The following KIAA1328 variants were observed in gnomAD, a reference collection of about 807,000 sequenced individuals.
KIAA1328 encodes protein hinderin.
KIAA1328 carries 52 observed loss-of-function variants against 68.1 expected under a neutral mutation model. The observed-to-expected ratio is 0.76, with a 90% CI of 0.61 to 0.96. The LOEUF is 0.96. KIAA1328 is among the 40% of genes least tolerant of loss of function. The pLI, the probability that KIAA1328 is intolerant of heterozygous loss-of-function variation, is 0.00. For synonymous variants in KIAA1328, 232 were observed against 239.4 expected (o/e 0.97, Z 0.28); for missense variants, 641 against 677.6 (o/e 0.95, Z 0.60).
chr18:36,989,936 G>A (rs999601817), intron 6 of KIAA1328, among the ~76,000 whole-genome samples: 3 of 152,032 alleles, frequency 2.0e-5, no homozygotes, highest in African/African-American at 2.4e-5. Context: ...CTTGGGATCC[G>A]CCTGCCTCGG....
At chr18:37,079,516 AG>A (rs2056874351) in intron 7 of KIAA1328, among the ~76,000 whole-genome samples, 1 of 151,664 alleles carries the variant, frequency 6.6e-6, no homozygotes, top group African/African-American at 2.4e-5. Context: ...AATAAAAAAA[AG>A]AAGTGCAGCT....
chr18:37,125,769 A>G (rs1016811364), intron 7 of KIAA1328, among the ~76,000 whole-genome samples: 1 of 152,228 alleles, frequency 6.6e-6, no homozygotes, highest in African/African-American at 2.4e-5. Flanking sequence ...GAGCTCTGAT[A>G]TGAGATCAAG....
intron 4 of KIAA1328, among the ~76,000 whole-genome samples, chr18:36,867,319 A>G (rs941109318): frequency 1.3e-5 from 2 of 152,204 alleles, no homozygotes; most frequent in Admixed American, 6.5e-5. Context: ...TGCTTTCACC[A>G]TGTGAAGTGC....
At chr18:36,996,113 A>C (rs77417667) in intron 6 of KIAA1328, among the ~76,000 whole-genome samples, 443 of 152,352 alleles carry the variant, frequency 2.9e-3, no homozygotes, top group African/African-American at 0.01. Flanking sequence ...CCAAGGTTAC[A>C]CAGGTATTAT....
rs28861455 is a variant in KIAA1328 at position 37,111,900 on chromosome 18, A to G, written c.1232+44355A>G. 2.8e-3 allele frequency among the ~76,000 whole-genome samples: 431 copies of G among 152,306 alleles called. 4 individuals are homozygous for G. Among genetic ancestry groups the G allele is most frequent in the African/African-American group, 9.9e-3 (412 of 41,566 alleles). On this transcript the variant is annotated intron_variant, in intron 7 of 9. Coordinates refer to ENST00000280020, the MANE Select transcript of KIAA1328 (RefSeq NM_020776.3). ...TCCCGTGCCTGGCTCAGAGGGTCCC[A>G]TGCCCACAGAGCCTCACTCACTGCT...
chr18:37,140,753 A>T (rs145238407), intron 7 of KIAA1328, among the ~76,000 whole-genome samples: 1 of 152,294 alleles, frequency 6.6e-6, no homozygotes, highest in Non-Finnish European at 1.5e-5. Context: ...GCTCCATCAG[A>T]TGCTAAATAA....
rs146937437 is a variant in KIAA1328 at position 37,212,218 on chromosome 18, G to T, written c.1524-9799G>T. Among the ~76,000 whole-genome samples, 7 of 152,318 alleles carry T rather than the reference G, an allele frequency of 4.6e-5. No homozygotes were observed. In the East Asian group the frequency reaches 1.4e-3, roughly 29 times the overall value. On this transcript the variant is annotated intron_variant, in intron 9 of 9. Coordinates refer to ENST00000280020, the MANE Select transcript of KIAA1328 (RefSeq NM_020776.3). ...GTCATTGGTTTACACCTTAAACAAA[G>T]AATGTGTTGATTGAACATAGAAACC...
intron 1 of KIAA1328, chr18:36,834,077 G>A (rs1020543717): frequency 9.8e-6 from 5 of 509,868 alleles, no homozygotes; most frequent in African/African-American, 7.9e-5. Context: ...TATAAGATGT[G>A]TAGTTGTGAA....
intron 5 of KIAA1328, among the ~76,000 whole-genome samples, chr18:36,890,515 A>G (rs945851019): frequency 6.6e-6 from 1 of 152,106 alleles, no homozygotes; most frequent in African/African-American, 2.4e-5. Context: ...TACTAAAAAT[A>G]CAAAAATTAG....
chr18:37,205,145 C>T (rs955538901), intron 9 of KIAA1328, among the ~76,000 whole-genome samples: 3 of 152,194 alleles, frequency 2.0e-5, no homozygotes, highest in Admixed American at 1.3e-4. Context: ...AAAGCAAAGT[C>T]TCACTAGCCA....
intron 9 of KIAA1328, among the ~76,000 whole-genome samples, chr18:37,177,702 T>C (rs1189330996): frequency 2.6e-5 from 4 of 152,178 alleles, no homozygotes; most frequent in Non-Finnish European, 4.4e-5. Context: ...TGTTTCTTTT[T>C]GAGTTACTGG....
At chr18:36,919,753 T>G (rs1236325901) in intron 5 of KIAA1328, among the ~76,000 whole-genome samples, 1 of 152,172 alleles carries the variant, frequency 6.6e-6, no homozygotes, top group Admixed American at 6.5e-5. Context: ...TTATTTTTAT[T>G]GATAGCCATT....
At chr18:37,125,730 G>T (rs1568439252) in intron 7 of KIAA1328, among the ~76,000 whole-genome samples, 1 of 152,306 alleles carries the variant, frequency 6.6e-6, no homozygotes. Flanking sequence ...AATCTGAAAT[G>T]CAGAGTGGTC....
chr18:36,926,246 A>G (rs1310462548), intron 5 of KIAA1328, among the ~76,000 whole-genome samples: 1 of 152,146 alleles, frequency 6.6e-6, no homozygotes, highest in Non-Finnish European at 1.5e-5. Flanking sequence ...ATACCTGGCT[A>G]TCATGCCTTC....
intron 7 of KIAA1328, among the ~76,000 whole-genome samples, chr18:37,078,934 G>T (rs189900786): frequency 2.0e-5 from 3 of 151,966 alleles, no homozygotes; most frequent in Non-Finnish European, 4.4e-5. Context: ...ATTCCTCAGA[G>T]ATCTAGAACT....
At chr18:36,931,207 G>A (rs376604344) in intron 5 of KIAA1328, among the ~76,000 whole-genome samples, 14 of 152,134 alleles carry the variant, frequency 9.2e-5, no homozygotes, top group East Asian at 1.9e-4. Flanking sequence ...GAGAATCTAG[G>A]TCAGGGGTCC....
chr18:37,084,290 G>A (rs899957615), intron 7 of KIAA1328: 48 of 976,918 alleles, frequency 4.9e-5, no homozygotes, highest in East Asian at 1.5e-4. Flanking sequence ...TTTAGGATAC[G>A]TTTGGTATAC....
chr18:37,027,706 C>T (rs1471326560), intron 6 of KIAA1328, among the ~76,000 whole-genome samples: 11 of 152,090 alleles, frequency 7.2e-5, no homozygotes, highest in Non-Finnish European at 1.2e-4. Context: ...ACCCCTTATA[C>T]AAAAATTAAT....
Position 37,067,079 on chromosome 18 carries a change from A to G in KIAA1328, c.766A>G (p.Lys256Glu), listed in dbSNP as rs1477981979. The G allele has an allele frequency of 8.1e-6, 13 of 1,613,926 alleles. No homozygotes were observed. In the Middle Eastern group the frequency reaches 4.9e-4, roughly 61 times the overall value. The part of the protein sequence containing the change: ...SLKPVTLHHP[K>E]DDLDKIPSET... The stretch of plus-strand genomic sequence containing the variant: ...GAAACCAGTAACCCTTCATCATCCC[A>G]AAGATGATCTAGATAAGATACCATC... Residue 256 changes from lysine (K) to glutamate (E), a missense_variant, in exon 7 of 10, where the codon AAA becomes GAA. Transcript: ENST00000280020.
Sources: allele counts gnomAD v4.1 joint callset (sites outside exome capture counted in the v4.1 genomes callset), GRCh38; gene constraint gnomAD v4.1.1; transcripts MANE v1.5; gene names NCBI Gene and HGNC (gene_info 2026-07-23, HGNC 2026-07-21).